Variants in CTNNA3 observed in about 807,000 individuals in gnomAD.
The protein encoded by CTNNA3 is catenin alpha-3.
In CTNNA3, 76 loss-of-function variants were observed where a neutral mutation model predicts 95.7. The observed-to-expected ratio is 0.79, with a 90% confidence interval of 0.66 to 0.96. The LOEUF is 0.96. CTNNA3 is among the 40% of genes least tolerant of loss of function. The probability of loss-of-function intolerance (pLI) is 0.00; values close to 1 mark genes in which losing one functional copy is unlikely to be tolerated. For missense variants in CTNNA3, 1,191 were observed against 1,089.8 expected (o/e 1.09, Z -1.31); for synonymous variants, 431 against 374.4 (o/e 1.15, Z -1.74).
intron 5 of CTNNA3, among the ~76,000 whole-genome samples, chr10:67,358,567 G>A (rs934370399): frequency 1.3e-5 from 2 of 152,160 alleles, no homozygotes; most frequent in East Asian, 3.9e-4. Context: ...CTAAAGAAGG[G>A]GTGAGTTAAG....
intron 5 of CTNNA3, among the ~76,000 whole-genome samples, chr10:67,510,806 T>C (rs1055402188): frequency 2.0e-5 from 3 of 152,194 alleles, no homozygotes; most frequent in Non-Finnish European, 4.4e-5. Context: ...TTTCATGATA[T>C]TGATTCTTCC....
chr10:66,739,127 G>A (rs899442164), intron 9 of CTNNA3, among the ~76,000 whole-genome samples: 2 of 152,124 alleles, frequency 1.3e-5, no homozygotes, highest in Non-Finnish European at 2.9e-5. Flanking sequence ...TCCAGAGTGG[G>A]GATGAATGAA....
At chr10:67,057,091 T>C (rs750900325) in intron 7 of CTNNA3, among the ~76,000 whole-genome samples, 18 of 152,218 alleles carry the variant, frequency 1.2e-4, no homozygotes, top group Non-Finnish European at 1.2e-4. Context: ...TTAGAAAAGT[T>C]AGCTGATCTA....
intron 15 of CTNNA3, among the ~76,000 whole-genome samples, chr10:66,066,791 C>G (rs2080321663): frequency 6.6e-6 from 1 of 151,872 alleles, no homozygotes; most frequent in African/African-American, 2.4e-5. Context: ...TGGTATAAAA[C>G]AAAACAAAGA....
chr10:66,677,541 C>T (rs1209178569), intron 9 of CTNNA3, among the ~76,000 whole-genome samples: 1 of 151,988 alleles, frequency 6.6e-6, no homozygotes, highest in East Asian at 1.9e-4. Context: ...TGGGAAGGAC[C>T]CAATGGGAGG....
At chr10:66,999,776 T>G (rs1851572337) in intron 7 of CTNNA3, among the ~76,000 whole-genome samples, 1 of 152,188 alleles carries the variant, frequency 6.6e-6, no homozygotes, top group African/African-American at 2.4e-5. Context: ...TTAGTTGAAT[T>G]TTATATCACT....
At chr10:66,275,841 G>C (rs1442920902) in intron 13 of CTNNA3, among the ~76,000 whole-genome samples, 8 of 151,942 alleles carry the variant, frequency 5.3e-5, no homozygotes, top group Non-Finnish European at 1.2e-4. Context: ...AAAATGTTAA[G>C]GAAGAAAATG....
At chr10:66,635,312 T>C (rs1249758139) in intron 9 of CTNNA3, among the ~76,000 whole-genome samples, 1 of 152,156 alleles carries the variant, frequency 6.6e-6, no homozygotes, top group African/African-American at 2.4e-5. Context: ...TTATTCTTTG[T>C]TGTCACTGAG....
chr10:66,432,662 G>GGA (rs1554962598), intron 11 of CTNNA3, among the ~76,000 whole-genome samples: 1 of 120,442 alleles, frequency 8.3e-6, no homozygotes, highest in Non-Finnish European at 1.8e-5. Context: ...CCATCTCACA[G>GGA]AAAAAAAAAA....
chr10:67,345,974 T>G (rs2394364), intron 5 of CTNNA3, among the ~76,000 whole-genome samples: 120,776 of 151,970 alleles, frequency 0.79, 50,414 homozygotes, highest in Non-Finnish European at 0.92. Flanking sequence ...TTCTTGTTTT[T>G]TTTATTTTCT....
intron 1 of CTNNA3, among the ~76,000 whole-genome samples, chr10:67,727,446 TTATATATCA>T (rs1029973201): frequency 1.5e-5 from 2 of 133,764 alleles, no homozygotes; most frequent in Non-Finnish European, 3.1e-5. Flanking sequence ...TTTCTATATA[TTATATATCA>T]TATATATCAT....
At chr10:67,631,315 A>G (rs1299748026) in intron 2 of CTNNA3, among the ~76,000 whole-genome samples, 1 of 152,140 alleles carries the variant, frequency 6.6e-6, no homozygotes, top group African/African-American at 2.4e-5. Flanking sequence ...AAAAAAAAAT[A>G]CATTAAAGAT....
chr10:65,920,836 A>G (rs1301502700), intron 17 of CTNNA3, among the ~76,000 whole-genome samples: 1 of 152,100 alleles, frequency 6.6e-6, no homozygotes, highest in Non-Finnish European at 1.5e-5. Context: ...AAAATAAATA[A>G]ATAATAAAAA....
At chr10:67,633,352 C>T (rs1839206789) in intron 2 of CTNNA3, among the ~76,000 whole-genome samples, 2 of 152,180 alleles carry the variant, frequency 1.3e-5, no homozygotes, top group African/African-American at 2.4e-5. Flanking sequence ...AAGGATCCCT[C>T]ACTCCCCGCC....
intron 1 of CTNNA3, among the ~76,000 whole-genome samples, chr10:67,758,171 A>G (rs1317502358): frequency 6.6e-6 from 1 of 152,054 alleles, no homozygotes; most frequent in Non-Finnish European, 1.5e-5. Context: ...CCCGAACTGA[A>G]CTATACCACC....
At chr10:66,619,652 T>C (rs1473786243) in intron 10 of CTNNA3, among the ~76,000 whole-genome samples, 1 of 149,630 alleles carries the variant, frequency 6.7e-6, no homozygotes. Context: ...GCATGGCACA[T>C]TTATACATAT....
chr10:66,170,727 C>CA (rs34828048), intron 13 of CTNNA3, among the ~76,000 whole-genome samples: 24,056 of 137,214 alleles, frequency 0.18, 3,578 homozygotes, highest in African/African-American at 0.42. Context: ...AATGTTTACC[C>CA]AAAAAAAAAA....
At chr10:65,996,258 C>T (rs113458724) in intron 15 of CTNNA3, among the ~76,000 whole-genome samples, 2,352 of 152,200 alleles carry the variant, frequency 0.015, 69 homozygotes, top group African/African-American at 0.054. Flanking sequence ...GTGGGAGCAG[C>T]CCCAGGCAGG....
intron 7 of CTNNA3, among the ~76,000 whole-genome samples, chr10:66,864,786 T>A (rs1233478557): frequency 6.6e-6 from 1 of 152,152 alleles, no homozygotes; most frequent in Non-Finnish European, 1.5e-5. Flanking sequence ...CTTTTAGATA[T>A]TTTATGTAGA....
Sources: gnomAD v4.1 joint callset for allele counts (sites outside exome capture counted in the v4.1 genomes callset) on GRCh38, gnomAD v4.1.1 for gene constraint, MANE v1.5 for transcripts, NCBI Gene and HGNC (gene_info 2026-07-23, HGNC 2026-07-21) for gene names.